TRAPPC9: variants seen among roughly 807,000 people sequenced by gnomAD.
TRAPPC9 encodes IKK2 binding protein.
TRAPPC9 carries 83 observed loss-of-function variants against 124.0 expected under a neutral mutation model. That is an observed-to-expected ratio of 0.67 (90% CI 0.56 to 0.80). The LOEUF (loss-of-function observed/expected upper bound fraction) is 0.80. TRAPPC9 is among the 30% of genes least tolerant of loss of function. The pLI is 0.00. For synonymous variants in TRAPPC9, 638 were observed against 617.5 expected, an observed-to-expected ratio of 1.03 and a Z score of -0.49; for missense variants, 1,302 against 1,508.3, an observed-to-expected ratio of 0.86 and a Z score of 2.27.
chr8:140,236,153 G>A (rs1344368371), intron 16 of TRAPPC9, among the ~76,000 whole-genome samples: 1 of 148,616 alleles, frequency 6.7e-6, no homozygotes, highest in African/African-American at 2.5e-5. Flanking sequence ...CGTGATCTTG[G>A]CTCACTGCAA....
chr8:139,732,744 CTG>C (rs2129948787), intron 21 of TRAPPC9, among the ~76,000 whole-genome samples: 1 of 152,336 alleles, frequency 6.6e-6, no homozygotes, highest in South Asian at 2.1e-4. Flanking sequence ...AGTGGCTGCA[CTG>C]TGTTTTCTTC....
At chr8:140,300,854 G>A (rs572860796) in intron 10 of TRAPPC9, among the ~76,000 whole-genome samples, 7 of 152,328 alleles carry the variant, frequency 4.6e-5, no homozygotes, top group African/African-American at 1.4e-4. Flanking sequence ...ACTTCCCTCT[G>A]GGGACTCCTG....
At chr8:139,879,493 A>G (rs1261066087) in intron 21 of TRAPPC9, among the ~76,000 whole-genome samples, 1 of 152,210 alleles carries the variant, frequency 6.6e-6, no homozygotes, top group Non-Finnish European at 1.5e-5. Flanking sequence ...GTCCCTGCCC[A>G]GATGGTAAAC....
At chr8:140,395,229 G>A (rs1380349279) in intron 7 of TRAPPC9, among the ~76,000 whole-genome samples, 1 of 152,190 alleles carries the variant, frequency 6.6e-6, no homozygotes, top group African/African-American at 2.4e-5. Context: ...GGACTGTGGT[G>A]TTGTTTGTTT....
intron 5 of TRAPPC9, 142 bp from the exon 6 acceptor site, chr8:140,405,840 T>C (rs1206747306): frequency 3.4e-6 from 3 of 894,308 alleles, no homozygotes; most frequent in East Asian, 2.7e-5. Flanking sequence ...TCACAGCTTA[T>C]ATGCTTCCTA....
intron 16 of TRAPPC9, among the ~76,000 whole-genome samples, chr8:140,224,236 C>G (rs1157413403): frequency 6.6e-6 from 1 of 152,140 alleles, no homozygotes; most frequent in Non-Finnish European, 1.5e-5. Flanking sequence ...ACAAGCTAGA[C>G]AACTCAGACC....
chr8:139,942,698 T>G (rs1226775195), intron 19 of TRAPPC9, among the ~76,000 whole-genome samples: 1 of 152,014 alleles, frequency 6.6e-6, no homozygotes. Flanking sequence ...ACAGACATAG[T>G]CGAGAGAACA....
At chr8:140,005,369 C>T (rs1208577466) in intron 18 of TRAPPC9, among the ~76,000 whole-genome samples, 1 of 152,302 alleles carries the variant, frequency 6.6e-6, no homozygotes, top group Non-Finnish European at 1.5e-5. Flanking sequence ...AGGAACGCAG[C>T]ACACAGCACC....
At chr8:139,851,486 C>T (rs1042091684) in intron 21 of TRAPPC9, among the ~76,000 whole-genome samples, 3 of 152,104 alleles carry the variant, frequency 2.0e-5, no homozygotes, top group Non-Finnish European at 4.4e-5. Context: ...AGGCATGGGA[C>T]CGGGCCTGCT....
At chr8:140,000,733 T>C (rs1342931286) in intron 18 of TRAPPC9, among the ~76,000 whole-genome samples, 1 of 151,978 alleles carries the variant, frequency 6.6e-6, no homozygotes, top group African/African-American at 2.4e-5. Context: ...CAGGAAACAA[T>C]AGATGCTGGA....
rs1588395462 is a variant in TRAPPC9, at chr8:140,457,683, G to A, written c.-55C>T. ...CCGGAGCGGGAGCCCACGACCTGGCGGGCAGCGGGGCCGAGCAGCCTCTGC... is the reference window on the plus strand; with the variant it reads ...CCGGAGCGGGAGCCCACGACCTGGCAGGCAGCGGGGCCGAGCAGCCTCTGC... On this transcript the variant is annotated 5_prime_UTR_variant, in exon 1 of 23. Coordinates refer to ENST00000438773, the MANE Select transcript of TRAPPC9 (RefSeq NM_001160372.4). 1 of 986,526 alleles carries A rather than the reference G, an allele frequency of 1.0e-6. No individual in the cohort carries two copies. The highest frequency in any genetic ancestry group is 1.7e-5 in the African/African-American group (1 of 57,378). The allele number at this position is 986,526 out of a possible 1,614,324, so 61.1% of individuals were successfully genotyped here. A position where few individuals can be genotyped will look rare whatever the true frequency, so the allele number is the denominator to read the frequency against.
chr8:139,837,283 C>A (rs899105167), intron 21 of TRAPPC9, among the ~76,000 whole-genome samples: 3 of 152,174 alleles, frequency 2.0e-5, no homozygotes, highest in Non-Finnish European at 4.4e-5. Context: ...CCTGTCGAGG[C>A]AGCACGGTAA....
chr8:140,274,395 T>C (rs1039994094), intron 15 of TRAPPC9, among the ~76,000 whole-genome samples: 1 of 152,076 alleles, frequency 6.6e-6, no homozygotes, highest in Non-Finnish European at 1.5e-5. Context: ...CCCGTGACCA[T>C]GCACATAAAT....
chr8:139,821,845 T>C (rs766228368), intron 21 of TRAPPC9, among the ~76,000 whole-genome samples: 4 of 152,010 alleles, frequency 2.6e-5, no homozygotes, highest in Non-Finnish European at 5.9e-5. Flanking sequence ...GCCTGGTAAA[T>C]AGGAATCAAA....
chr8:140,296,633 C>A (rs1201442173), intron 11 of TRAPPC9, among the ~76,000 whole-genome samples: 15 of 152,350 alleles, frequency 9.8e-5, no homozygotes, highest in Non-Finnish European at 1.5e-5. Flanking sequence ...ATCAGTGGCA[C>A]AGGGCCCTGT....
chr8:139,804,706 A>G (rs866474300), intron 21 of TRAPPC9, among the ~76,000 whole-genome samples: 21 of 112,770 alleles, frequency 1.9e-4, no homozygotes, highest in Admixed American at 3.8e-4. Context: ...ACCCACCACC[A>G]CCACCCACCA....
intron 20 of TRAPPC9, among the ~76,000 whole-genome samples, chr8:139,902,386 C>T (rs10097473): frequency 0.46 from 69,497 of 152,100 alleles, 17,095 homozygotes; most frequent in African/African-American, 0.66. Context: ...GACGGCCTCG[C>T]TGGCTGGCAA....
intron 19 of TRAPPC9, among the ~76,000 whole-genome samples, chr8:139,918,541 C>T (rs192566752): frequency 7.9e-4 from 120 of 152,354 alleles, no homozygotes; most frequent in African/African-American, 2.7e-3. Context: ...GGGCCCTCCC[C>T]GGCCCTCCCA....
intron 9 of TRAPPC9, among the ~76,000 whole-genome samples, chr8:140,344,525 G>A (rs912794042): frequency 6.6e-6 from 1 of 152,214 alleles, no homozygotes; most frequent in African/African-American, 2.4e-5. Context: ...CCTCCATCTA[G>A]CAAGGAGGGA....
Sources: gnomAD v4.1 joint callset for allele counts (sites outside exome capture counted in the v4.1 genomes callset) on GRCh38, gnomAD v4.1.1 for gene constraint, MANE v1.5 for transcripts, NCBI Gene and HGNC (gene_info 2026-07-23, HGNC 2026-07-21) for gene names.